The following RAP1GAP2 variants were observed in gnomAD, a reference collection of about 807,000 sequenced individuals.
RAP1GAP2 encodes the protein rap1 GTPase-activating protein 2.
A neutral mutation model predicts 95.0 loss-of-function variants in RAP1GAP2; 27 were observed. That is an observed-to-expected ratio of 0.28 (90% confidence interval 0.21 to 0.39). The LOEUF is 0.39. Ranked by LOEUF, RAP1GAP2 falls within the 10% of genes least tolerant of loss-of-function variation. The probability of loss-of-function intolerance (pLI) is 1.00; values close to 1 mark genes in which losing one functional copy is unlikely to be tolerated. For synonymous variants in RAP1GAP2, 373 were observed against 380.9 expected, an observed-to-expected ratio of 0.98 and a Z score of 0.24; for missense variants, 771 against 970.0, an observed-to-expected ratio of 0.79 and a Z score of 2.72.
intron 19 of RAP1GAP2, among the ~76,000 whole-genome samples, chr17:3,021,406 T>C (rs1241135430): frequency 6.9e-6 from 1 of 145,604 alleles, no homozygotes; most frequent in Non-Finnish European, 1.5e-5. Flanking sequence ...CTCCCACATA[T>C]GAATGAGAAC....
chr17:2,861,344 T>G (rs2072378717), intron 2 of RAP1GAP2, among the ~76,000 whole-genome samples: 1 of 152,054 alleles, frequency 6.6e-6, no homozygotes, highest in Non-Finnish European at 1.5e-5. Context: ...GAACTTTGCC[T>G]TCTTTACCTC....
chr17:2,971,964 T>C (rs1018947810), intron 8 of RAP1GAP2, among the ~76,000 whole-genome samples: 1 of 152,180 alleles, frequency 6.6e-6, no homozygotes, highest in Non-Finnish European at 1.5e-5. Context: ...ATATACAAAA[T>C]TAGTCATAAA....
chr17:2,860,750 C>T (rs1253127073), intron 2 of RAP1GAP2, among the ~76,000 whole-genome samples: 1 of 151,494 alleles, frequency 6.6e-6, no homozygotes, highest in Non-Finnish European at 1.5e-5. Context: ...ATTACAGGCA[C>T]GCACTACCGT....
chr17:2,880,115 G>T (rs1434734760), intron 2 of RAP1GAP2, among the ~76,000 whole-genome samples: 2 of 152,150 alleles, frequency 1.3e-5, no homozygotes, highest in African/African-American at 4.8e-5. Flanking sequence ...GAGAGCACGG[G>T]GACTGATGGA....
chr17:2,763,608 A>C (rs2068224421), intron 1 of RAP1GAP2, among the ~76,000 whole-genome samples: 1 of 151,988 alleles, frequency 6.6e-6, no homozygotes, highest in African/African-American at 2.4e-5. Flanking sequence ...AGGCAGGAGA[A>C]TCTCTTGAAC....
chr17:2,921,084 C>T lies in RAP1GAP2; in HGVS notation c.165+15716C>T, dbSNP rs193074693. On this transcript the variant is annotated intron_variant, in intron 3 of 24. Transcript: ENST00000254695. ...CCCCCCCGGCAGACTCTGCTCTTGG[C>T]GGAGTGTGGAGCTGGAGTTTCAGGC... Among the ~76,000 whole-genome samples, 40 of 152,194 alleles carry T rather than the reference C, an allele frequency of 2.6e-4. No individual in the cohort carries two copies. The East Asian group carries it at 6.0e-3, about 23-fold the overall frequency.
intron 3 of RAP1GAP2, among the ~76,000 whole-genome samples, chr17:2,927,388 C>T (rs370789167): frequency 2.2e-4 from 33 of 151,862 alleles, no homozygotes; most frequent in South Asian, 1.9e-3. Context: ...CTCCTGACCT[C>T]GTGATCCGCC....
At chr17:2,893,180 A>T (rs1457347607) in intron 2 of RAP1GAP2, among the ~76,000 whole-genome samples, 2 of 151,912 alleles carry the variant, frequency 1.3e-5, no homozygotes, top group Non-Finnish European at 2.9e-5. Flanking sequence ...GGCACCCGCC[A>T]CCAGCTACTA....
chr17:3,014,510 A>G (rs2046686749), intron 17 of RAP1GAP2, among the ~76,000 whole-genome samples: 1 of 151,254 alleles, frequency 6.6e-6, no homozygotes, highest in East Asian at 1.9e-4. Flanking sequence ...GGTGTTGTCA[A>G]CGCACAAGGG....
rs2047400829 is a variant in RAP1GAP2 at position 3,033,853 on chromosome 17, A to G, written c.*492A>G. The stretch of plus-strand genomic sequence containing the variant: ...GAACGCACTCGGTGGTGGAGGCCCC[A>G]TGTTCCCAGGAGCCAAGATTCGTAG... On this transcript the variant is annotated 3_prime_UTR_variant, in exon 25 of 25. Coordinates refer to ENST00000254695, the MANE Select transcript of RAP1GAP2 (RefSeq NM_015085.5). The surrounding 1 kb of genome is among the most constrained non-coding windows in gnomAD (Gnocchi z 4.9). 1 of 152,298 alleles carries G rather than the reference A, an allele frequency of 6.6e-6. No individual in the cohort carries two copies. Among genetic ancestry groups the G allele is most frequent in the Non-Finnish European group, 1.5e-5 (1 of 68,126 alleles). The allele number at this position is 152,298 out of a possible 1,614,324, so 9.4% of individuals were successfully genotyped here.
At chr17:2,854,050 G>T in intron 2 of RAP1GAP2, 1 of 985,276 alleles carries the variant, frequency 1.0e-6, no homozygotes, top group Non-Finnish European at 1.2e-6. Context: ...CCGCGCCGCC[G>T]TGGTGCTCAT....
chr17:2,759,033 T>C (rs949371747), intron 1 of RAP1GAP2, among the ~76,000 whole-genome samples: 3 of 151,442 alleles, frequency 2.0e-5, no homozygotes, highest in Non-Finnish European at 4.4e-5. Flanking sequence ...AGAGATGGGG[T>C]CTTGCTATAT....
At position 2,970,294 on chromosome 17, in the gene RAP1GAP2, AAAT is replaced by A. The variant is rs1555582399; in HGVS notation, c.596+4662_596+4664del. Among the ~76,000 whole-genome samples the A allele has an allele frequency of 2.9e-3, 338 of 116,046 alleles. 14 individuals are homozygous for A. Among genetic ancestry groups the A allele is most frequent in the Middle Eastern group, 4.2e-3 (1 of 238 alleles). 76.1% of individuals were successfully genotyped at this position (116,046 alleles called of 152,430 possible). On this transcript the variant is annotated intron_variant, in intron 8 of 24. Coordinates refer to ENST00000254695, the MANE Select transcript of RAP1GAP2 (RefSeq NM_015085.5). ...GTCTCAAAAAAAAAAAAAAAAAAAAAAATAATAATAATACGTCCCTTGTTAATG... is the reference window on the plus strand; with the variant it reads ...GTCTCAAAAAAAAAAAAAAAAAAAAAAATAATAATACGTCCCTTGTTAATG...
chr17:2,965,713 G>A lies in RAP1GAP2; in HGVS notation c.596+70G>A. On this transcript the variant is annotated intron_variant, in intron 8 of 24. Coordinates refer to ENST00000254695, the MANE Select transcript of RAP1GAP2 (RefSeq NM_015085.5). The surrounding 1 kb of genome is among the most constrained non-coding windows in gnomAD (Gnocchi z 4.7). ...GCTCTCATCGGTGGTGTGGGGGCTG[G>A]GATGGGACTCAGAAATACCAGACTG... The A allele has an allele frequency of 8.5e-7, 1 of 1,175,732 alleles. No homozygotes were observed. The highest frequency in any genetic ancestry group is 1.2e-6 in the Non-Finnish European group (1 of 807,858). The allele number at this position is 1,175,732 out of a possible 1,614,324, so 72.8% of individuals were successfully genotyped here.
At chr17:2,800,217 C>A in intron 1 of RAP1GAP2, 1 of 985,372 alleles carries the variant, frequency 1.0e-6, no homozygotes, top group Non-Finnish European at 1.2e-6. Flanking sequence ...CTGGACCTGA[C>A]GTGAGATACC....
At chr17:2,913,049 A>T (rs2042442158) in intron 3 of RAP1GAP2, among the ~76,000 whole-genome samples, 1 of 152,146 alleles carries the variant, frequency 6.6e-6, no homozygotes. Context: ...CTATTGGCTC[A>T]TGCCTATAGT....
At position 2,796,497 on chromosome 17, in the gene RAP1GAP2, C is replaced by G. The variant is rs773683059; in HGVS notation, c.-31C>G. ...AGCCCCGGGGACGTCGTTGGGACAT[C>G]GCTGGGACCCCGGGCTCTGCAGCCA... On this transcript the variant is annotated 5_prime_UTR_variant, in exon 1 of 25. It adds an upstream start codon to the 5' untranslated region. Coordinates refer to ENST00000254695, the MANE Select transcript of RAP1GAP2 (RefSeq NM_015085.5). This position sits in a 1 kb window ranked among gnomAD's most constrained non-coding sequence, Gnocchi z 4.7. 72 of 1,552,882 alleles carry G rather than the reference C, an allele frequency of 4.6e-5. No homozygotes were observed. The Middle Eastern group carries it at 1.3e-3, about 29-fold the overall frequency.
rs1442262812 is a variant in RAP1GAP2 at position 2,906,404 on chromosome 17, C to T, written c.165+1036C>T. On this transcript the variant is annotated intron_variant, in intron 3 of 24. Transcript: ENST00000254695. This position sits in a 1 kb window ranked among gnomAD's most constrained non-coding sequence, Gnocchi z 4.3. The stretch of plus-strand genomic sequence containing the variant: ...ACATACAGAGCCATGTGGTATGCCT[C>T]GAGGAGCCTGTGTGTTGAGGGGTAG... Among the ~76,000 whole-genome samples, 3 of 150,908 alleles carry T rather than the reference C, an allele frequency of 2.0e-5. No individual in the cohort carries two copies. The highest frequency in any genetic ancestry group is 6.6e-5 in the Admixed American group (1 of 15,208).
At position 2,989,101 on chromosome 17, in the gene RAP1GAP2, A is replaced by AC. The variant is rs200453022; in HGVS notation, c.814-2196_814-2195insC. 5.0e-3 allele frequency among the ~76,000 whole-genome samples: 753 copies of AC among 151,952 alleles called. 9 individuals are homozygous for AC. Among genetic ancestry groups the AC allele is most frequent in the African/African-American group, 0.016 (659 of 41,458 alleles). On this transcript the variant is annotated intron_variant, in intron 11 of 24. Transcript: ENST00000254695. The stretch of plus-strand genomic sequence containing the variant: ...AAAAACAAAAACAAAACAAAAAAAA[A>AC]ACTGCCAAACAGTTTTCTAGTGTTT...
Sources: allele counts gnomAD v4.1 joint callset (sites outside exome capture counted in the v4.1 genomes callset), GRCh38; gene constraint gnomAD v4.1.1; non-coding constraint Gnocchi (gnomAD v3.1); transcripts MANE v1.5; gene names NCBI Gene and HGNC (gene_info 2026-07-23, HGNC 2026-07-21).